Variants in TMEM68 observed in about 807,000 individuals in gnomAD.
The protein encoded by TMEM68 is transmembrane protein 68, also known as DGAT1/2-independent enzyme synthesizing storage lipids.
Under a neutral mutation model 36.9 loss-of-function variants are expected in TMEM68, and 25 were observed. The ratio of observed to expected loss-of-function variants is 0.68; its 90% CI spans 0.49 to 0.95. The LOEUF (loss-of-function observed/expected upper bound fraction) is 0.95. TMEM68 is among the 40% of genes least tolerant of loss of function. The probability of loss-of-function intolerance (pLI) is 0.00; values close to 1 mark genes in which losing one functional copy is unlikely to be tolerated. For missense variants in TMEM68, 333 were observed against 392.0 expected (o/e 0.85, Z 1.27); for synonymous variants, 131 against 124.4 (o/e 1.05, Z -0.35).
chr8:55,754,314 A>G (rs1467912480), intron 4 of TMEM68, among the ~76,000 whole-genome samples: 2 of 151,066 alleles, frequency 1.3e-5, no homozygotes, highest in African/African-American at 4.9e-5. Flanking sequence ...AATCCCAACT[A>G]CTTGGGAGGC....
rs188072069 is a variant in TMEM68, at chr8:55,762,615, G to A, written c.325+20C>T. On this transcript the variant is annotated intron_variant, in intron 3 of 7. Coordinates refer to ENST00000434581, the MANE Select transcript of TMEM68 (RefSeq NM_001286657.2). ...AGCACACATGAATGGCAACACAAAG[G>A]TGAAAGTATCCTTGCTTACCATGCC... 1.2e-6 allele frequency: 2 copies of A among 1,614,052 alleles called. No homozygotes were observed. The highest frequency in any genetic ancestry group is 2.2e-5 in the East Asian group (1 of 44,880).
At chr8:55,769,153 T>C (rs140182184) in intron 1 of TMEM68, among the ~76,000 whole-genome samples, 6 of 149,706 alleles carry the variant, frequency 4.0e-5, no homozygotes, top group African/African-American at 4.9e-5. Context: ...GGTAATGCCG[T>C]CTCTACTAAA....
chr8:55,754,589 T>C (rs1810522052), intron 4 of TMEM68, among the ~76,000 whole-genome samples: 1 of 135,308 alleles, frequency 7.4e-6, no homozygotes, highest in South Asian at 2.1e-4. Context: ...ATAAAATACA[T>C]ATATTATGTA....
At chr8:55,748,668 G>T (rs780602974) in intron 5 of TMEM68, among the ~76,000 whole-genome samples, 44 of 151,522 alleles carry the variant, frequency 2.9e-4, no homozygotes, top group Non-Finnish European at 3.5e-4. Flanking sequence ...ACACAATGGT[G>T]CGATCTCGGC....
chr8:55,771,743 T>C (rs945431583), intron 1 of TMEM68, among the ~76,000 whole-genome samples: 3 of 152,242 alleles, frequency 2.0e-5, no homozygotes, highest in African/African-American at 7.2e-5. Context: ...TTAAAAGATA[T>C]AGTCACTGAA....
intron 3 of TMEM68, among the ~76,000 whole-genome samples, chr8:55,757,979 C>T (rs1810657845): frequency 6.6e-6 from 1 of 152,102 alleles, no homozygotes; most frequent in Non-Finnish European, 1.5e-5. Flanking sequence ...TATACCCCAG[C>T]ACCAGGGGGA....
At chr8:55,753,781 T>G (rs545903592) in intron 4 of TMEM68, among the ~76,000 whole-genome samples, 14 of 152,330 alleles carry the variant, frequency 9.2e-5, no homozygotes, top group African/African-American at 3.4e-4. Flanking sequence ...TTTGGTTAAT[T>G]AATCTTTTTT....
At chr8:55,765,766 G>A (rs751345306) in intron 1 of TMEM68, among the ~76,000 whole-genome samples, 2 of 152,080 alleles carry the variant, frequency 1.3e-5, no homozygotes, top group Non-Finnish European at 2.9e-5. Context: ...AGTCTGTTTC[G>A]GGAACACAGT....
In TMEM68 at chr8:55,743,632, T is replaced by C. The variant is rs1032810440; in HGVS notation, c.749-12A>G. On this transcript the variant is annotated splice_polypyrimidine_tract_variant and intron_variant, in intron 6 of 7. Coordinates refer to ENST00000434581, the MANE Select transcript of TMEM68 (RefSeq NM_001286657.2). ...CCACCTAAATAACCCTGTTTTAGAG[T>C]AAATACAATCATTTTAACTTGTTAA... 3.9e-6 allele frequency: 6 copies of C among 1,529,472 alleles called. No homozygotes were observed. In the Admixed American group the frequency reaches 1.0e-4, roughly 26 times the overall value. 94.7% of individuals were successfully genotyped at this position (1,529,472 alleles called of 1,614,324 possible). A position where few individuals can be genotyped will look rare whatever the true frequency, so the allele number is the denominator to read the frequency against.
At chr8:55,754,472 C>T (rs529714907) in intron 4 of TMEM68, among the ~76,000 whole-genome samples, 17,051 of 82,628 alleles carry the variant, frequency 0.21, 1,243 homozygotes, top group Middle Eastern at 0.28. Context: ...TATATACACA[C>T]ACACACACAC....
Position 55,751,109 on chromosome 8 carries a change from T to C in TMEM68, c.542A>G (p.Glu181Gly). The C allele has an allele frequency of 6.2e-7, 1 of 1,613,966 alleles. No homozygotes were observed. Among genetic ancestry groups the C allele is most frequent in the Non-Finnish European group, 8.5e-7 (1 of 1,179,978 alleles). The change falls in exon 5 of 8, where the codon GAA (glutamate) becomes GGA (glycine). Residue 181 changes from glutamate to glycine, a missense_variant. Glu to Gly is a moderately conservative substitution (Grantham distance 98). Transcript: ENST00000434581. ...DVFCALHGPR[E>G]KCVEILRSGH... ...ACTCCTCAGAATTTCAACACATTTT[T>C]CTCTTGGTCCATGTAGAGCACAAAA...
chr8:55,769,471 A>G lies in TMEM68; in HGVS notation c.-115+3798T>C, dbSNP rs560392726. ...ACTAGGCCAAAGGGGACAGGATACA[A>G]TGTACAAGTGGATGGCCCTGAGAAG... On this transcript the variant is annotated intron_variant, in intron 1 of 7. Transcript: ENST00000434581. Among the ~76,000 whole-genome samples the G allele has an allele frequency of 5.3e-5, 8 of 152,268 alleles. No homozygotes were observed. The East Asian group carries it at 1.5e-3, about 29-fold the overall frequency.
At chr8:55,755,269 T>C (rs1237308420) in intron 4 of TMEM68, among the ~76,000 whole-genome samples, 1 of 151,390 alleles carries the variant, frequency 6.6e-6, no homozygotes, top group Non-Finnish European at 1.5e-5. Flanking sequence ...ACAAAATATA[T>C]CTTTTTTTTT....
In TMEM68 at chr8:55,756,254, A is replaced by G. The variant is rs749068415; in HGVS notation, c.483T>C (p.Phe161=). ...TCRVVADHFV[F]KIPGFSLLLD... The stretch of plus-strand genomic sequence containing the variant: ...ACAGTGAAAGTTTACCTGGAATTTT[A>G]AAGACAAAGTGATCAGCTACTACTC... The change falls in exon 4 of 8, where the codon TTT becomes TTC. Residue 161 remains phenylalanine, a synonymous_variant. Coordinates refer to ENST00000434581, the MANE Select transcript of TMEM68 (RefSeq NM_001286657.2). The G allele has an allele frequency of 1.3e-6, 2 of 1,593,000 alleles. No homozygotes were observed. Among genetic ancestry groups the G allele is most frequent in the Admixed American group, 1.9e-5 (1 of 52,494 alleles).
At chr8:55,754,322 G>A (rs963405295) in intron 4 of TMEM68, among the ~76,000 whole-genome samples, 2 of 150,910 alleles carry the variant, frequency 1.3e-5, no homozygotes, top group Admixed American at 1.3e-4. Flanking sequence ...CTACTTGGGA[G>A]GCTGAGGTAC....
intron 4 of TMEM68, among the ~76,000 whole-genome samples, chr8:55,753,041 C>T (rs1356051881): frequency 2.0e-5 from 3 of 151,982 alleles, no homozygotes; most frequent in African/African-American, 7.2e-5. Context: ...TAAAATCTCT[C>T]TTGTGCTGAG....
intron 1 of TMEM68, among the ~76,000 whole-genome samples, chr8:55,766,622 C>A (rs536717640): frequency 1.3e-5 from 2 of 151,910 alleles, no homozygotes; most frequent in Non-Finnish European, 2.9e-5. Context: ...GTGATCCGCC[C>A]GCCTCGGCCT....
intron 5 of TMEM68, chr8:55,746,487 A>G (rs2129924049): frequency 6.6e-6 from 1 of 152,222 alleles, no homozygotes; most frequent in East Asian, 1.9e-4. Flanking sequence ...TAAAGAGGTT[A>G]TGCCACTGTG....
At position 55,763,042 on chromosome 8, in the gene TMEM68, AT is replaced by A; in HGVS notation, c.-69-15del. ...CTAATTTTGACACTAGAAGGGAAAA[AT>A]AATCCAGTATTATTTTCTCCACAGC... On this transcript the variant is annotated splice_polypyrimidine_tract_variant and intron_variant, in intron 2 of 7. Coordinates refer to ENST00000434581, the MANE Select transcript of TMEM68 (RefSeq NM_001286657.2). 1.4e-6 allele frequency: 2 copies of A among 1,392,134 alleles called. No homozygotes were observed. Among genetic ancestry groups the A allele is most frequent in the South Asian group, 3.0e-5 (2 of 67,618 alleles). The allele number at this position is 1,392,134 out of a possible 1,614,324, so 86.2% of individuals were successfully genotyped here. A position where few individuals can be genotyped will look rare whatever the true frequency, so the allele number is the denominator to read the frequency against.
Sources: gnomAD v4.1 joint callset for allele counts (sites outside exome capture counted in the v4.1 genomes callset) on GRCh38, gnomAD v4.1.1 for gene constraint, MANE v1.5 for transcripts, NCBI Gene and HGNC (gene_info 2026-07-23, HGNC 2026-07-21) for gene names.